DRC5: variants seen among roughly 807,000 people sequenced by gnomAD.
DRC5 encodes the protein dynein regulatory complex subunit 5.
chr6:44,279,366 G>T, the DRC5 span: 1 of 152,274 alleles, frequency 6.6e-6, no homozygotes, highest in African/African-American at 2.4e-5. Flanking sequence ...ATCACACTGT[G>T]GCCTTTTTGT....
At chr6:44,280,623 A>G in the DRC5 span, among the ~76,000 whole-genome samples, 2 of 152,390 alleles carry the variant, frequency 1.3e-5, no homozygotes, top group South Asian at 4.1e-4. Flanking sequence ...ATCTCTGGCA[A>G]TGAAGATAAT....
the DRC5 span, chr6:44,280,266 C>A: frequency 6.2e-7 from 1 of 1,614,216 alleles, no homozygotes; most frequent in Non-Finnish European, 8.5e-7. Flanking sequence ...GGCTGCTTCT[C>A]GGTTTGCGTA....
the DRC5 span, chr6:44,286,535 T>C: frequency 4.4e-6 from 7 of 1,607,590 alleles, no homozygotes; most frequent in South Asian, 2.2e-5. Flanking sequence ...AGGGTTTTCT[T>C]TGGGAACAGA....
At chr6:44,290,778 T>C in the DRC5 span, among the ~76,000 whole-genome samples, 65 of 152,252 alleles carry the variant, frequency 4.3e-4, 1 homozygote, top group African/African-American at 1.5e-3. Context: ...TGGAGTTGAC[T>C]CTTTAGTCAT....
chr6:44,295,061 G>A, the DRC5 span, among the ~76,000 whole-genome samples: 1 of 152,208 alleles, frequency 6.6e-6, no homozygotes, highest in Admixed American at 6.5e-5. Context: ...GGGCAGTCCT[G>A]GAGGTGGCTG....
At chr6:44,290,272 A>G in the DRC5 span, among the ~76,000 whole-genome samples, 2 of 152,186 alleles carry the variant, frequency 1.3e-5, no homozygotes, top group Non-Finnish European at 2.9e-5. Context: ...TACTTAACCT[A>G]TCTGAGCTTC....
At chr6:44,286,734 G>A in the DRC5 span, among the ~76,000 whole-genome samples, 1 of 152,194 alleles carries the variant, frequency 6.6e-6, no homozygotes, top group Admixed American at 6.5e-5. Flanking sequence ...CTGCCTGAAG[G>A]TGGACATCTC....
the DRC5 span, chr6:44,287,147 A>G: frequency 6.2e-6 from 6 of 972,320 alleles, no homozygotes; most frequent in Admixed American, 1.8e-4. Flanking sequence ...GAAAGGATCA[A>G]TATTACAGAG....
At chr6:44,294,772 CAAAAA>C in the DRC5 span, among the ~76,000 whole-genome samples, 8 of 88,784 alleles carry the variant, frequency 9.0e-5, no homozygotes, top group East Asian at 3.7e-4. Flanking sequence ...AACTCTGTCT[CAAAAA>C]AAAAAAAAAA....
chr6:44,297,000 G>T, the DRC5 span, among the ~76,000 whole-genome samples: 1 of 152,276 alleles, frequency 6.6e-6, no homozygotes, highest in Admixed American at 6.5e-5. Flanking sequence ...CCCTGGGCTG[G>T]CCTCCTCCCA....
the DRC5 span, among the ~76,000 whole-genome samples, chr6:44,292,405 GT>G: frequency 6.6e-6 from 1 of 152,058 alleles, no homozygotes; most frequent in Non-Finnish European, 1.5e-5. Context: ...AACCCCTCCC[GT>G]TGTCAGACCC....
the DRC5 span, chr6:44,286,069 G>A: frequency 6.2e-7 from 1 of 1,614,132 alleles, no homozygotes; most frequent in East Asian, 2.2e-5. Flanking sequence ...CCTTGACATC[G>A]TACACCAGGT....
the DRC5 span, chr6:44,287,285 G>A: frequency 1.0e-6 from 1 of 973,912 alleles, no homozygotes; most frequent in African/African-American, 1.8e-5. Context: ...TTTTGCTGGA[G>A]AGAGTAGAAA....
At chr6:44,286,141 G>A in the DRC5 span, 1 of 1,613,920 alleles carries the variant, frequency 6.2e-7, no homozygotes, top group African/African-American at 1.3e-5. Context: ...GGTCAACGGT[G>A]GGCTCCTCCA....
chr6:44,287,366 CAGA>C, the DRC5 span: 2 of 561,500 alleles, frequency 3.6e-6, no homozygotes, highest in Non-Finnish European at 4.5e-6. Context: ...CCAGTGGGAA[CAGA>C]AGGAGAAACT....
At chr6:44,287,305 G>A in the DRC5 span, 1 of 896,334 alleles carries the variant, frequency 1.1e-6, no homozygotes, top group Non-Finnish European at 1.3e-6. Flanking sequence ...AAGGCAAGGA[G>A]AGGGCAGAGG....
At chr6:44,292,126 A>G in the DRC5 span, among the ~76,000 whole-genome samples, 156 of 152,212 alleles carry the variant, frequency 1.0e-3, no homozygotes, top group African/African-American at 3.5e-3. Flanking sequence ...GCAGCTCACC[A>G]CTGCTCACTG....
At chr6:44,280,303 T>C in the DRC5 span, 1 of 1,614,218 alleles carries the variant, frequency 6.2e-7, no homozygotes, top group Non-Finnish European at 8.5e-7. Context: ...AGGTACTCGC[T>C]TTCCTGGGCC....
At chr6:44,291,163 G>A in the DRC5 span, among the ~76,000 whole-genome samples, 18 of 152,252 alleles carry the variant, frequency 1.2e-4, no homozygotes, top group East Asian at 3.3e-3. Flanking sequence ...GCCTTTATAG[G>A]AACATCCATA....
Sources: gnomAD v4.1 joint callset for allele counts (sites outside exome capture counted in the v4.1 genomes callset) on GRCh38, gnomAD v4.1.1 for gene constraint, MANE v1.5 for transcripts, NCBI Gene and HGNC (gene_info 2026-07-23, HGNC 2026-07-21) for gene names.